FAM118A: variants seen among roughly 807,000 people sequenced by gnomAD.
The protein encoded by FAM118A is protein FAM118A.
FAM118A carries 25 observed loss-of-function variants against 38.2 expected under a neutral mutation model. The observed-to-expected ratio is 0.65, with a 90% CI of 0.48 to 0.91. The LOEUF is 0.91. Ranked by LOEUF, FAM118A falls within the 40% of genes least tolerant of loss-of-function variation. The pLI is 0.00. For synonymous variants in FAM118A, 178 were observed against 184.1 expected (o/e 0.97, Z 0.27); for missense variants, 425 against 463.3 (o/e 0.92, Z 0.76).
chr22:45,327,764 C>T (rs1020647641), intron 3 of FAM118A, 78 bp from the exon 4 acceptor site: 123 of 1,446,240 alleles, frequency 8.5e-5, no homozygotes, highest in Non-Finnish European at 1.1e-4. Flanking sequence ...TCTCTGGCAC[C>T]CAGAAAATGG....
chr22:45,313,895 A>C (rs2084488447), intron 1 of FAM118A, among the ~76,000 whole-genome samples: 1 of 152,254 alleles, frequency 6.6e-6, no homozygotes, highest in East Asian at 1.9e-4. Context: ...AAATCTAGGA[A>C]GGATTCCCTA....
intron 7 of FAM118A, 134 bp downstream of exon 7, chr22:45,335,516 AGAT>A: frequency 1.0e-6 from 1 of 999,516 alleles, no homozygotes; most frequent in Non-Finnish European, 1.5e-6. Flanking sequence ...GCCCCACTGA[AGAT>A]GATAAATAGC....
intron 1 of FAM118A, among the ~76,000 whole-genome samples, chr22:45,313,318 G>A (rs1196667593): frequency 7.0e-6 from 1 of 143,832 alleles, no homozygotes; most frequent in East Asian, 2.0e-4. Flanking sequence ...ATGTCGTGAG[G>A]GTTTTTTTTT....
At chr22:45,337,942 T>C (rs777990498) in intron 8 of FAM118A, 40 of 968,260 alleles carry the variant, frequency 4.1e-5, no homozygotes, top group Non-Finnish European at 4.8e-5. Context: ...GAGGGTCTGA[T>C]GGGAACCTGT....
At chr22:45,340,259 A>C (rs1005684149) in intron 8 of FAM118A, 127 bp from the exon 9 acceptor site, 1 of 1,010,134 alleles carries the variant, frequency 9.9e-7, no homozygotes, top group Non-Finnish European at 1.5e-6. Flanking sequence ...TCCATTGTGG[A>C]GGGGTTTTCA....
Position 45,340,961 on chromosome 22 carries a change from C to T in FAM118A, c.*556C>T, listed in dbSNP as rs2086429910. Reference sequence around the variant, plus strand: ...GGGATTACAGGCGTCCACCACCATGCCCAGCTAATTTTTTTATTTTTAGTA... The same window carrying T: ...GGGATTACAGGCGTCCACCACCATGTCCAGCTAATTTTTTTATTTTTAGTA... On this transcript the variant is annotated 3_prime_UTR_variant, in exon 9 of 9. Coordinates refer to ENST00000441876, the MANE Select transcript of FAM118A (RefSeq NM_017911.4). 3 of 152,488 alleles carry T rather than the reference C, an allele frequency of 2.0e-5. No individual in the cohort carries two copies. The highest frequency in any genetic ancestry group is 4.8e-5 in the African/African-American group (2 of 41,398). 9.4% of individuals were successfully genotyped at this position (152,488 alleles called of 1,614,324 possible).
At chr22:45,327,120 G>A (rs1164039805) in intron 3 of FAM118A, among the ~76,000 whole-genome samples, 1 of 151,712 alleles carries the variant, frequency 6.6e-6, no homozygotes, top group Non-Finnish European at 1.5e-5. Flanking sequence ...GGCACCTGTA[G>A]CCCTAGCTAC....
rs552641265 is a variant in FAM118A at position 45,340,254 on chromosome 22, T to C, written c.1055-132T>C. 614 of 959,600 alleles carry C rather than the reference T, an allele frequency of 6.4e-4. 12 individuals carry two copies. The South Asian group carries it at 8.6e-3, about 13-fold the overall frequency. The allele number at this position is 959,600 out of a possible 1,614,324, so 59.4% of individuals were successfully genotyped here. A position where few individuals can be genotyped will look rare whatever the true frequency, so the allele number is the denominator to read the frequency against. ...TCCAGACAGTGGCTACTGTTTCCAT[T>C]GTGGAGGGGTTTTCAAAGTCTTCCG... is the stretch of plus-strand genomic sequence containing the variant. On this transcript the variant is annotated intron_variant, in intron 8 of 8. Coordinates refer to ENST00000441876, the MANE Select transcript of FAM118A (RefSeq NM_017911.4).
intron 4 of FAM118A, chr22:45,329,205 C>T (rs909001265): frequency 4.6e-5 from 7 of 152,230 alleles, no homozygotes; most frequent in African/African-American, 1.4e-4. Flanking sequence ...ACAGGGTCCT[C>T]ATACTTTTAT....
At chr22:45,334,686 C>G (rs896362716) in intron 6 of FAM118A, among the ~76,000 whole-genome samples, 1 of 152,204 alleles carries the variant, frequency 6.6e-6, no homozygotes, top group East Asian at 1.9e-4. Flanking sequence ...GGCACAGGCA[C>G]ATAACGTGCC....
In FAM118A at chr22:45,323,241, C is replaced by T; in HGVS notation, c.114C>T (p.Val38=). ...TGCTCCTGGTTATCGGGACTGGCGT[C>T]AGCGCAGCAGTGGCCCCCGGAATCC... The part of the protein sequence containing the change: ...QELLLVIGTG[V]SAAVAPGIPA... The change falls in exon 3 of 9, where the codon GTC becomes GTT. Residue 38 remains valine, a synonymous_variant. Coordinates refer to ENST00000441876, the MANE Select transcript of FAM118A (RefSeq NM_017911.4). The T allele has an allele frequency of 6.2e-7, 1 of 1,614,252 alleles. No homozygotes were observed. Among genetic ancestry groups the T allele is most frequent in the Non-Finnish European group, 8.5e-7 (1 of 1,180,046 alleles).
chr22:45,317,579 G>C (rs2084659607), intron 1 of FAM118A, among the ~76,000 whole-genome samples: 1 of 152,238 alleles, frequency 6.6e-6, no homozygotes, highest in Admixed American at 6.5e-5. Flanking sequence ...GCCTCGTGAT[G>C]TTCGTTCATT....
At chr22:45,311,613 G>A (rs1489281987) in intron 1 of FAM118A, among the ~76,000 whole-genome samples, 1 of 152,184 alleles carries the variant, frequency 6.6e-6, no homozygotes, top group East Asian at 1.9e-4. Flanking sequence ...AAGCTGAGTG[G>A]AGGGTTTGGT....
In FAM118A at chr22:45,328,099, G is replaced by A. The variant is rs13053749; in HGVS notation, c.522+36G>A. The A allele has an allele frequency of 5.4e-3, 1,284 of 237,556 alleles. 77 individuals carry two copies. The highest frequency in any genetic ancestry group is 0.023 in the African/African-American group (152 of 6,562). The allele number at this position is 237,556 out of a possible 1,614,324, so 14.7% of individuals were successfully genotyped here. ...GGGGTGCGGGAGGCCTTTGGCCGGCGGCAGAACAAGCCCATGGAGTCCCTG... is the reference window on the plus strand; with the variant it reads ...GGGGTGCGGGAGGCCTTTGGCCGGCAGCAGAACAAGCCCATGGAGTCCCTG... On this transcript the variant is annotated intron_variant, in intron 4 of 8. Coordinates refer to ENST00000441876, the MANE Select transcript of FAM118A (RefSeq NM_017911.4).
At chr22:45,321,170 G>A (rs1204625387) in intron 1 of FAM118A, among the ~76,000 whole-genome samples, 2 of 152,168 alleles carry the variant, frequency 1.3e-5, no homozygotes, top group Admixed American at 6.5e-5. Context: ...AGGCTGGAGT[G>A]CAGTGGCGCG....
rs1215054369 is a variant in FAM118A at position 45,341,760 on chromosome 22, A to G, written c.*1355A>G. 1 of 152,204 alleles carries G rather than the reference A, an allele frequency of 6.6e-6. No individual in the cohort carries two copies. The highest frequency in any genetic ancestry group is 2.4e-5 in the African/African-American group (1 of 41,406). The allele number at this position is 152,204 out of a possible 1,614,324, so 9.4% of individuals were successfully genotyped here. A position where few individuals can be genotyped will look rare whatever the true frequency, so the allele number is the denominator to read the frequency against. On this transcript the variant is annotated 3_prime_UTR_variant, in exon 9 of 9. Coordinates refer to ENST00000441876, the MANE Select transcript of FAM118A (RefSeq NM_017911.4). Reference sequence around the variant, plus strand: ...TTCAGTTTGAGGCCACTTATCTTCAATGTGACATTTCTTGCCAAGCCCTGT... The same window carrying G: ...TTCAGTTTGAGGCCACTTATCTTCAGTGTGACATTTCTTGCCAAGCCCTGT...
chr22:45,321,178 G>A (rs908650714), intron 1 of FAM118A, among the ~76,000 whole-genome samples: 1 of 151,990 alleles, frequency 6.6e-6, no homozygotes, highest in South Asian at 2.1e-4. Context: ...GTGCAGTGGC[G>A]CGATCTCAGC....
chr22:45,339,594 A>C (rs575715538), intron 8 of FAM118A, among the ~76,000 whole-genome samples: 6 of 152,248 alleles, frequency 3.9e-5, no homozygotes, highest in African/African-American at 1.4e-4. Context: ...TGTTCTGTGA[A>C]CTGTTTCCTC....
rs774396192 is a variant in FAM118A at position 45,340,447 on chromosome 22, G to A, written c.*42G>A. 1.2e-6 allele frequency: 2 copies of A among 1,609,816 alleles called. No individual in the cohort carries two copies. The highest frequency in any genetic ancestry group is 1.3e-5 in the African/African-American group (1 of 74,864). On this transcript the variant is annotated 3_prime_UTR_variant, in exon 9 of 9. Transcript: ENST00000441876. ...CCTGCAACTTGAAAACTAGCCTTCT[G>A]TAACCACAGTGCCCAAACGAAGAGG... is the stretch of plus-strand genomic sequence containing the variant.
Sources: allele counts gnomAD v4.1 joint callset (sites outside exome capture counted in the v4.1 genomes callset), GRCh38; gene constraint gnomAD v4.1.1; transcripts MANE v1.5; gene names NCBI Gene and HGNC (gene_info 2026-07-23, HGNC 2026-07-21).